The following CCDC6 variants were observed in gnomAD, a reference collection of about 807,000 sequenced individuals.
CCDC6 encodes the protein coiled-coil domain containing 6, also known as coiled-coil domain-containing protein 6.
In CCDC6, 20 loss-of-function variants were observed where a neutral mutation model predicts 56.6. The ratio of observed to expected loss-of-function variants is 0.35; its 90% CI spans 0.25 to 0.51. CCDC6 has a LOEUF of 0.51. CCDC6 is among the 20% of genes least tolerant of loss of function. The pLI, the probability that CCDC6 is intolerant of heterozygous loss-of-function variation, is 0.95. For missense variants in CCDC6, 367 were observed against 601.1 expected (o/e 0.61, Z 4.07); for synonymous variants, 241 against 234.4 (o/e 1.03, Z -0.26).
At chr10:59,861,331 C>T (rs115301144) in intron 1 of CCDC6, among the ~76,000 whole-genome samples, 88 of 151,508 alleles carry the variant, frequency 5.8e-4, no homozygotes, top group African/African-American at 2.1e-3. Context: ...TGCACTCTAG[C>T]CTGGGCAACG....
chr10:59,872,787 T>A (rs3099367), intron 1 of CCDC6, among the ~76,000 whole-genome samples: 5 of 69,510 alleles, frequency 7.2e-5, no homozygotes, highest in East Asian at 8.5e-4. Context: ...GATGGGGGGG[T>A]GGGGGAAGGT....
chr10:59,897,404 C>T (rs1413710545), intron 1 of CCDC6, among the ~76,000 whole-genome samples: 1 of 152,060 alleles, frequency 6.6e-6, no homozygotes, highest in Non-Finnish European at 1.5e-5. Context: ...CAGGCATGCA[C>T]CACCATGCCC....
intron 3 of CCDC6, among the ~76,000 whole-genome samples, chr10:59,815,118 C>T (rs73263428): frequency 0.014 from 2,153 of 152,140 alleles, 58 homozygotes; most frequent in African/African-American, 0.049. Flanking sequence ...GTTATTCTTC[C>T]GGGCTTGTCC....
intron 1 of CCDC6, among the ~76,000 whole-genome samples, chr10:59,869,192 G>C (rs1435393548): frequency 1.3e-5 from 2 of 151,642 alleles, no homozygotes; most frequent in Non-Finnish European, 2.9e-5. Flanking sequence ...AAGTCTTCCA[G>C]TTAAGTGCAA....
At chr10:59,844,759 A>AG (rs2070975871) in intron 2 of CCDC6, among the ~76,000 whole-genome samples, 18 of 120,474 alleles carry the variant, frequency 1.5e-4, no homozygotes, top group South Asian at 7.8e-4. Context: ...AAAAAAAAAA[A>AG]AAAAGAGAGA....
At chr10:59,854,408 A>G (rs2071063590) in intron 1 of CCDC6, among the ~76,000 whole-genome samples, 1 of 152,186 alleles carries the variant, frequency 6.6e-6, no homozygotes, top group African/African-American at 2.4e-5. Context: ...AAACAGAGCT[A>G]CACAAACACA....
At chr10:59,851,131 G>GAAAAAA (rs372606692) in intron 2 of CCDC6, among the ~76,000 whole-genome samples, 54 of 46,732 alleles carry the variant, frequency 1.2e-3, no homozygotes, top group East Asian at 1.5e-3. Flanking sequence ...CATGTAAATT[G>GAAAAAA]AAAAAAAAAA....
chr10:59,806,565 T>C (rs7099368), intron 6 of CCDC6: 86,838 of 183,962 alleles, frequency 0.47, 21,633 homozygotes, highest in African/African-American at 0.65. Context: ...AGCTTGCTTA[T>C]CCTTATACAG....
At chr10:59,844,203 T>C (rs1193061278) in intron 2 of CCDC6, among the ~76,000 whole-genome samples, 1 of 152,150 alleles carries the variant, frequency 6.6e-6, no homozygotes, top group Non-Finnish European at 1.5e-5. Context: ...AATAGCTACG[T>C]TCTTCCAGAA....
At chr10:59,869,804 C>T (rs1028338686) in intron 1 of CCDC6, among the ~76,000 whole-genome samples, 5 of 152,138 alleles carry the variant, frequency 3.3e-5, no homozygotes, top group South Asian at 2.1e-4. Flanking sequence ...GATCATCTAC[C>T]GGCCCTCCCG....
At chr10:59,845,095 T>C (rs762659422) in intron 2 of CCDC6, among the ~76,000 whole-genome samples, 12 of 152,238 alleles carry the variant, frequency 7.9e-5, no homozygotes, top group Admixed American at 5.9e-4. Flanking sequence ...CTGTTCCTAG[T>C]GATAGCTAGG....
intron 1 of CCDC6, among the ~76,000 whole-genome samples, chr10:59,899,762 C>G (rs769627117): frequency 4.6e-5 from 7 of 152,220 alleles, no homozygotes; most frequent in Non-Finnish European, 1.0e-4. Flanking sequence ...CTCAGAAACA[C>G]TTAGAAAGGA....
intron 1 of CCDC6, among the ~76,000 whole-genome samples, chr10:59,873,192 G>T (rs1315436327): frequency 6.6e-6 from 1 of 152,106 alleles, no homozygotes; most frequent in Non-Finnish European, 1.5e-5. Context: ...CCTTGAAAAA[G>T]ATATGTTCAA....
At chr10:59,809,434 C>T (rs1326893977) in intron 5 of CCDC6, among the ~76,000 whole-genome samples, 1 of 152,188 alleles carries the variant, frequency 6.6e-6, no homozygotes, top group Non-Finnish European at 1.5e-5. Flanking sequence ...GGGAAGACTT[C>T]CTGGCAGTTC....
intron 7 of CCDC6, among the ~76,000 whole-genome samples, chr10:59,799,131 T>TA (rs573382025): frequency 8.8e-4 from 127 of 144,570 alleles, no homozygotes; most frequent in South Asian, 1.8e-3. Context: ...CCTACTTACT[T>TA]AAAAAAAAAA....
In CCDC6 at chr10:59,873,365, C is replaced by T. The variant is rs2071248589; in HGVS notation, c.304-20663G>A. Among the ~76,000 whole-genome samples the T allele has an allele frequency of 2.0e-5, 3 of 151,908 alleles. No individual in the cohort carries two copies. The South Asian group carries it at 6.2e-4, about 32-fold the overall frequency. On this transcript the variant is annotated intron_variant, in intron 1 of 8. Transcript: ENST00000263102. ...ACAGAAACATACAAGGAGAAGATGA[C>T]CACATGACTTCAGAGGCAGGAACTG... is the stretch of plus-strand genomic sequence containing the variant.
At chr10:59,827,209 A>T (rs1291982203) in intron 3 of CCDC6, among the ~76,000 whole-genome samples, 1 of 152,202 alleles carries the variant, frequency 6.6e-6, no homozygotes, top group African/African-American at 2.4e-5. Context: ...ACTTTTTTCA[A>T]ACTGAAGGTC....
chr10:59,819,971 T>C (rs1252624266), intron 3 of CCDC6, among the ~76,000 whole-genome samples: 2 of 152,254 alleles, frequency 1.3e-5, no homozygotes, highest in African/African-American at 4.8e-5. Context: ...GTAGCTCTAC[T>C]TTCCATTACA....
intron 3 of CCDC6, among the ~76,000 whole-genome samples, chr10:59,825,450 T>A (rs913922925): frequency 1.3e-5 from 2 of 152,222 alleles, no homozygotes; most frequent in Non-Finnish European, 2.9e-5. Flanking sequence ...CCTCTTTCTT[T>A]TGTAAATTGC....
Sources: gnomAD v4.1 joint callset for allele counts (sites outside exome capture counted in the v4.1 genomes callset) on GRCh38, gnomAD v4.1.1 for gene constraint, MANE v1.5 for transcripts, NCBI Gene and HGNC (gene_info 2026-07-23, HGNC 2026-07-21) for gene names.